The following ADGRE5 variants were observed in gnomAD, a reference collection of about 807,000 sequenced individuals.
ADGRE5 encodes adhesion G protein-coupled receptor E5, also known as CD97 molecule.
A neutral mutation model predicts 100.3 loss-of-function variants in ADGRE5; 72 were observed. That is an observed-to-expected ratio of 0.72 (90% confidence interval 0.59 to 0.87). The LOEUF (loss-of-function observed/expected upper bound fraction) is 0.87, where lower values mean the gene tolerates loss of function less well. Among genes scored for constraint, ADGRE5 ranks in the 40% least tolerant of loss-of-function variants. The pLI, the probability that ADGRE5 is intolerant of heterozygous loss-of-function variation, is 0.00. For synonymous variants in ADGRE5, 439 were observed against 447.8 expected (o/e 0.98, Z 0.25); for missense variants, 959 against 1,094.7 (o/e 0.88, Z 1.75).
intron 9 of ADGRE5, among the ~76,000 whole-genome samples, chr19:14,399,563 CAAAAAAAA>C (rs764605166): frequency 6.3e-5 from 2 of 31,852 alleles, no homozygotes; most frequent in Non-Finnish European, 1.3e-4. Flanking sequence ...GACTCCGTCT[CAAAAAAAA>C]AAAAAAAAAA....
intron 1 of ADGRE5, among the ~76,000 whole-genome samples, chr19:14,381,791 T>C (rs1975167846): frequency 6.6e-6 from 1 of 152,094 alleles, no homozygotes; most frequent in Non-Finnish European, 1.5e-5. Context: ...TCCTCAAGCT[T>C]TCTACTGGAG....
intron 1 of ADGRE5, among the ~76,000 whole-genome samples, chr19:14,381,874 G>A (rs565025561): frequency 9.2e-5 from 14 of 151,958 alleles, no homozygotes; most frequent in Middle Eastern, 6.8e-3. Flanking sequence ...AGTGAGTGCT[G>A]GGACCCTGAG....
intron 9 of ADGRE5, among the ~76,000 whole-genome samples, chr19:14,398,841 C>T (rs1213557270): frequency 1.1e-4 from 16 of 148,442 alleles, no homozygotes; most frequent in African/African-American, 3.2e-4. Context: ...TGTTTGTTTG[C>T]GTTTTTTTTT....
In ADGRE5 at chr19:14,401,810, C is replaced by A; in HGVS notation, c.1183+50C>A. 7.8e-7 allele frequency: 1 copy of A among 1,284,208 alleles called. No individual in the cohort carries two copies. The highest frequency in any genetic ancestry group is 1.1e-6 in the Non-Finnish European group (1 of 929,046). 79.6% of individuals were successfully genotyped at this position (1,284,208 alleles called of 1,614,324 possible). A position where few individuals can be genotyped will look rare whatever the true frequency, so the allele number is the denominator to read the frequency against. ...AGCCCGTGGGAGAGAGATGGAGGTG[C>A]TGGGATGGGGCCAGGGTGAGGTTCA... is the stretch of plus-strand genomic sequence containing the variant. On this transcript the variant is annotated intron_variant, in intron 11 of 19. Transcript: ENST00000242786. The surrounding 1 kb of genome is among the most constrained non-coding windows in gnomAD (Gnocchi z 4.1).
chr19:14,408,206 C>G lies in ADGRE5; in HGVS notation c.*85C>G, dbSNP rs1277233063. On this transcript the variant is annotated 3_prime_UTR_variant, in exon 20 of 20. Transcript: ENST00000242786. ...GACCATCCATCCTCCCTTCGTCCAC[C>G]ACTCTACTCCCTCCACCCTCCCTCC... 8 of 1,417,528 alleles carry G rather than the reference C, an allele frequency of 5.6e-6. No homozygotes were observed. In the African/African-American group the frequency reaches 9.9e-5, roughly 17 times the overall value. 87.8% of individuals were successfully genotyped at this position (1,417,528 alleles called of 1,614,324 possible).
In ADGRE5 at chr19:14,383,334, G is replaced by C. The variant is rs546411118; in HGVS notation, c.22+1789G>C. On this transcript the variant is annotated intron_variant, in intron 1 of 19. Transcript: ENST00000242786. ...AGCCTGGCCAACATGGTGAAACTCTGTCTTTACTAAAAATACAAAAATTAC... is the reference window on the plus strand; with the variant it reads ...AGCCTGGCCAACATGGTGAAACTCTCTCTTTACTAAAAATACAAAAATTAC... Among the ~76,000 whole-genome samples the C allele has an allele frequency of 5.5e-4, 83 of 152,088 alleles. 1 individual carries two copies. The highest frequency in any genetic ancestry group is 3.4e-3 in the Middle Eastern group (1 of 294).
rs1028460247 is a variant in ADGRE5, at chr19:14,398,288, G to A, written c.897+149G>A. 3 of 683,006 alleles carry A rather than the reference G, an allele frequency of 4.4e-6. No homozygotes were observed. In the Admixed American group the frequency reaches 7.3e-5, roughly 17 times the overall value. 42.3% of individuals were successfully genotyped at this position (683,006 alleles called of 1,614,324 possible). A position where few individuals can be genotyped will look rare whatever the true frequency, so the allele number is the denominator to read the frequency against. On this transcript the variant is annotated intron_variant, in intron 9 of 19. Transcript: ENST00000242786. ...CATACACACACCACATACAGTATGT[G>A]CACAAACATACACACCCGGACACGT... is the stretch of plus-strand genomic sequence containing the variant.
In ADGRE5 at chr19:14,393,316, C is replaced by T. The variant is rs940507823; in HGVS notation, c.346+2237C>T. Among the ~76,000 whole-genome samples, 4 of 152,172 alleles carry T rather than the reference C, an allele frequency of 2.6e-5. No homozygotes were observed. The East Asian group carries it at 7.7e-4, about 29-fold the overall frequency. On this transcript the variant is annotated intron_variant, in intron 4 of 19. Coordinates refer to ENST00000242786, the MANE Select transcript of ADGRE5 (RefSeq NM_078481.4). ...CTGATGCGCCCCCAGGATGGGTATC[C>T]GTAGGGTGCGAGATCAGAGAGCAGC...
rs972375778 is a variant in ADGRE5 at position 14,398,121 on chromosome 19, A to C, written c.879A>C (p.Ser293=). ...QDLGRDSKTS[S]AEVTIQNVIK... ...TGGGCAGAGACTCCAAGACAAGCTC[A>C]GCCGAGGTCACCATCCAGGTAAGGG... Residue 293 remains serine (S), a synonymous_variant, in exon 9 of 20, where the codon TCA becomes TCC. Coordinates refer to ENST00000242786, the MANE Select transcript of ADGRE5 (RefSeq NM_078481.4). 10 of 1,614,196 alleles carry C rather than the reference A, an allele frequency of 6.2e-6. No homozygotes were observed. Among genetic ancestry groups the C allele is most frequent in the Non-Finnish European group, 7.6e-6 (9 of 1,180,024 alleles).
In ADGRE5 at chr19:14,391,022, T is replaced by G. The variant is rs760754760; in HGVS notation, c.289T>G (p.Tyr97Asp). 6.2e-7 allele frequency: 1 copy of G among 1,614,032 alleles called. No homozygotes were observed. ...GSYDCVCSPG[Y>D]EPVSGAKTFK... ...CTACGACTGCGTGTGCAGCCCGGGATATGAGCCTGTTTCTGGGGCAAAAAC... is the reference window on the plus strand; with the variant it reads ...CTACGACTGCGTGTGCAGCCCGGGAGATGAGCCTGTTTCTGGGGCAAAAAC... Residue 97 changes from tyrosine (Y) to aspartate (D), a missense_variant, in exon 4 of 20, where the codon TAT becomes GAT. Tyr to Asp is a radical substitution (Grantham distance 160). Transcript: ENST00000242786.
At chr19:14,403,919 C>T (rs1199461262) in intron 12 of ADGRE5, among the ~76,000 whole-genome samples, 5 of 125,666 alleles carry the variant, frequency 4.0e-5, no homozygotes, top group Non-Finnish European at 7.9e-5. Flanking sequence ...TCTTGTCATC[C>T]AGGCTGGAGT....
intron 3 of ADGRE5, 39 bp from the exon 4 acceptor site, chr19:14,390,885 C>A (rs560005217): frequency 6.2e-7 from 1 of 1,606,372 alleles, no homozygotes; most frequent in East Asian, 2.2e-5. Context: ...ACAGAACTCA[C>A]ATCTTTGGGA....
chr19:14,393,199 TAAA>T (rs34782681), intron 4 of ADGRE5, among the ~76,000 whole-genome samples: 7 of 145,380 alleles, frequency 4.8e-5, no homozygotes, highest in Non-Finnish European at 6.1e-5. Flanking sequence ...AGACTCCATC[TAAA>T]AAAAAAAAAA....
At chr19:14,403,375 G>T (rs1357996594) in intron 12 of ADGRE5, among the ~76,000 whole-genome samples, 1 of 144,488 alleles carries the variant, frequency 6.9e-6, no homozygotes, top group East Asian at 2.1e-4. Flanking sequence ...TTTTAGACAG[G>T]AGGGTCTCAC....
chr19:14,398,592 G>A (rs772710188), intron 9 of ADGRE5, among the ~76,000 whole-genome samples: 8 of 149,738 alleles, frequency 5.3e-5, no homozygotes, highest in South Asian at 2.1e-4. Flanking sequence ...GGACAATGAC[G>A]TGAACCTGGG....
intron 13 of ADGRE5, 65 bp from the exon 14 acceptor site, chr19:14,405,683 A>G (rs1976196511): frequency 1.6e-6 from 2 of 1,225,852 alleles, no homozygotes; most frequent in Non-Finnish European, 2.3e-6. Flanking sequence ...GGGAAAAGGG[A>G]CCACAAAGAG....
chr19:14,406,231 T>C lies in ADGRE5; in HGVS notation c.1822-100T>C, dbSNP rs1166364229. The stretch of plus-strand genomic sequence containing the variant: ...TCCAGACCCGCCCACCCTCCGGCTG[T>C]GGTCCCGCCCACTCTCGGGACCTGG... On this transcript the variant is annotated intron_variant, in intron 14 of 19. Transcript: ENST00000242786. This position sits in a 1 kb window ranked among gnomAD's most constrained non-coding sequence, Gnocchi z 6.0. 2.0e-5 allele frequency: 19 copies of C among 955,746 alleles called. No homozygotes were observed. Among genetic ancestry groups the C allele is most frequent in the Non-Finnish European group, 2.9e-5 (19 of 655,772 alleles). The allele number at this position is 955,746 out of a possible 1,614,324, so 59.2% of individuals were successfully genotyped here.
intron 6 of ADGRE5, 33 bp from the exon 7 acceptor site, chr19:14,397,625 G>A: frequency 6.3e-7 from 1 of 1,589,538 alleles, no homozygotes; most frequent in Non-Finnish European, 8.6e-7. Context: ...TCCAGGCTGG[G>A]ACAGGACCTG....
At chr19:14,390,386 C>T (rs949730901) in intron 3 of ADGRE5, among the ~76,000 whole-genome samples, 3 of 150,998 alleles carry the variant, frequency 2.0e-5, no homozygotes, top group Non-Finnish European at 4.4e-5. Flanking sequence ...TGCAGTGACC[C>T]GATCTCGGCT....
Sources: allele counts gnomAD v4.1 joint callset (sites outside exome capture counted in the v4.1 genomes callset), GRCh38; gene constraint gnomAD v4.1.1; non-coding constraint Gnocchi (gnomAD v3.1); transcripts MANE v1.5; gene names NCBI Gene and HGNC (gene_info 2026-07-23, HGNC 2026-07-21).